The following PMS1 variants were observed in gnomAD, a reference collection of about 807,000 sequenced individuals.
PMS1 encodes the protein PMS1 protein homolog 1.
Under a neutral mutation model 93.1 loss-of-function variants are expected in PMS1, and 79 were observed. That is an observed-to-expected ratio of 0.85 (90% CI 0.71 to 1.02). The LOEUF is 1.02. Among genes scored for constraint, PMS1 ranks in the 50% least tolerant of loss-of-function variants. The pLI is 0.00. For synonymous variants in PMS1, 335 were observed against 363.4 expected (o/e 0.92, Z 0.89); for missense variants, 1,064 against 1,085.3 (o/e 0.98, Z 0.28).
chr2:189,868,274 A>T (rs978835171), intron 11 of PMS1, among the ~76,000 whole-genome samples: 7 of 152,202 alleles, frequency 4.6e-5, no homozygotes, highest in African/African-American at 1.7e-4. Flanking sequence ...GGATATTGGA[A>T]TTGCCTAACA....
rs5742932 is a variant in PMS1 at position 189,784,514 on chromosome 2, G to T, written c.-100G>T. On this transcript the variant is annotated 5_prime_UTR_variant, in exon 1 of 13. Transcript: ENST00000441310. ...GTGCTGGGTGCGGGTGCGGGTGCGG[G>T]GTTGGGCCTGCGCATCGGGTGAGAC... 0.036 allele frequency: 5,436 copies of T among 152,984 alleles called. 335 individuals are homozygous for T. The highest frequency in any genetic ancestry group is 0.12 in the African/African-American group (5,167 of 41,568). 9.5% of individuals were successfully genotyped at this position (152,984 alleles called of 1,614,324 possible).
At chr2:189,875,458 T>C (rs1559340550) in intron 12 of PMS1, among the ~76,000 whole-genome samples, 1 of 152,118 alleles carries the variant, frequency 6.6e-6, no homozygotes, top group African/African-American at 2.4e-5. Flanking sequence ...CGGAAAAACA[T>C]CCATGTATAA....
At position 189,867,827 on chromosome 2, in the gene PMS1, G is replaced by A. The variant is rs781501975; in HGVS notation, c.2371G>A (p.Val791Ile). The change falls in exon 11 of 13, where the codon GTT (valine) becomes ATT (isoleucine). Residue 791 changes from valine to isoleucine, a missense_variant. Physicochemically the swap from Val to Ile is conservative, Grantham distance 29. Transcript: ENST00000441310. ...TTTTAATGGATCTCATTATTTAGAC[G>A]TTTTATATAAAATGACAGCAGATGA... ...SLFNGSHYLD[V>I]LYKMTADDQR... The A allele has an allele frequency of 1.5e-5, 23 of 1,576,528 alleles. No homozygotes were observed. The highest frequency in any genetic ancestry group is 2.2e-5 in the South Asian group (2 of 90,324).
At chr2:189,804,810 T>C (rs572237418) in intron 3 of PMS1, among the ~76,000 whole-genome samples, 2 of 152,314 alleles carry the variant, frequency 1.3e-5, no homozygotes, top group South Asian at 4.1e-4. Context: ...CTCCCAATTT[T>C]GGGTCATCAT....
chr2:189,830,429 TTAAACTTTC>T (rs2052823447), intron 5 of PMS1, among the ~76,000 whole-genome samples: 2 of 152,306 alleles, frequency 1.3e-5, no homozygotes, highest in South Asian at 4.1e-4. Context: ...AGGTCTTCAC[TTAAACTTTC>T]TCCGTGAGGC....
chr2:189,785,162 A>C (rs1202185121), intron 1 of PMS1, among the ~76,000 whole-genome samples: 1 of 152,210 alleles, frequency 6.6e-6, no homozygotes, highest in Non-Finnish European at 1.5e-5. Flanking sequence ...TTTATTGCCG[A>C]AATAGCTTTC....
chr2:189,836,739 C>G (rs1328391308), intron 5 of PMS1, among the ~76,000 whole-genome samples: 1 of 152,178 alleles, frequency 6.6e-6, no homozygotes, highest in Non-Finnish European at 1.5e-5. Flanking sequence ...ATTAGCCCCT[C>G]GATCTGATGC....
intron 9 of PMS1, among the ~76,000 whole-genome samples, chr2:189,861,735 G>C (rs895008349): frequency 3.5e-5 from 5 of 142,108 alleles, no homozygotes; most frequent in African/African-American, 1.4e-4. Context: ...GGGAGACAGA[G>C]AGACTCTGTC....
At chr2:189,795,645 A>G (rs1207134991) in intron 2 of PMS1, 124 bp from the exon 3 acceptor site, 2 of 778,772 alleles carry the variant, frequency 2.6e-6, no homozygotes, top group Non-Finnish European at 4.4e-6. Context: ...AAACTCTTAT[A>G]TCCATAATGC....
At chr2:189,791,179 A>G (rs1252505496) in intron 1 of PMS1, among the ~76,000 whole-genome samples, 1 of 152,028 alleles carries the variant, frequency 6.6e-6, no homozygotes, top group African/African-American at 2.4e-5. Flanking sequence ...TTAGGTATCA[A>G]TAGAGGAATT....
At chr2:189,829,921 C>T (rs2052771802) in intron 5 of PMS1, among the ~76,000 whole-genome samples, 1 of 152,198 alleles carries the variant, frequency 6.6e-6, no homozygotes, top group South Asian at 2.1e-4. Flanking sequence ...CTAATGGACT[C>T]TCCCTGCTTA....
At position 189,864,046 on chromosome 2, in the gene PMS1, G is replaced by C. The variant is rs2066455; in HGVS notation, c.2160G>C (p.Glu720Asp). The change falls in exon 10 of 13, where the codon GAG becomes GAC. Residue 720 changes from glutamate to aspartate, a missense_variant. Glu to Asp is a conservative substitution (Grantham distance 45, BLOSUM62 2). Transcript: ENST00000441310. ...AACAAAACAAAGTTGACTTAGAAGA[G>C]AAGGATGAACCTTGCTTGATCCACA... ...FKKQNKVDLE[E>D]KDEPCLIHNL... is the part of the protein sequence containing the mutation. The C allele has an allele frequency of 6.2e-7, 1 of 1,612,406 alleles. No homozygotes were observed. The highest frequency in any genetic ancestry group is 8.5e-7 in the Non-Finnish European group (1 of 1,178,700).
intron 3 of PMS1, among the ~76,000 whole-genome samples, chr2:189,797,215 G>C (rs191718557): frequency 6.6e-6 from 1 of 152,290 alleles, no homozygotes; most frequent in East Asian, 1.9e-4. Context: ...ACGCTCTAGA[G>C]ATGTGAATTG....
chr2:189,870,155 CTTTG>C (rs1449317291), intron 11 of PMS1, among the ~76,000 whole-genome samples: 3 of 151,906 alleles, frequency 2.0e-5, no homozygotes, highest in Non-Finnish European at 4.4e-5. Context: ...TTCTTCATTT[CTTTG>C]TTTTTTTATT....
At chr2:189,865,188 CCAGTTTTTTAA>C (rs1011915552) in intron 10 of PMS1, among the ~76,000 whole-genome samples, 2 of 151,542 alleles carry the variant, frequency 1.3e-5, no homozygotes, top group African/African-American at 4.8e-5. Context: ...ACCTTTTTTT[CCAGTTTTTTAA>C]AAAATTTATA....
At chr2:189,862,611 G>C (rs957779437) in intron 9 of PMS1, among the ~76,000 whole-genome samples, 2 of 152,160 alleles carry the variant, frequency 1.3e-5, no homozygotes, top group African/African-American at 4.8e-5. Flanking sequence ...GAAAAGTGCT[G>C]ATTTTTGTTC....
chr2:189,850,828 T>C (rs1341943016), intron 6 of PMS1, among the ~76,000 whole-genome samples: 1 of 152,138 alleles, frequency 6.6e-6, no homozygotes, highest in African/African-American at 2.4e-5. Context: ...AAGGGCTGCG[T>C]AGTGTCCCTT....
intron 6 of PMS1, among the ~76,000 whole-genome samples, chr2:189,849,867 CTTTTTTT>C (rs751444288): frequency 4.2e-5 from 5 of 118,896 alleles, no homozygotes; most frequent in Non-Finnish European, 7.0e-5. Context: ...TATTTTTAAA[CTTTTTTT>C]TTTTTTTTTT....
chr2:189,814,180 G>C (rs2051073406), intron 4 of PMS1, among the ~76,000 whole-genome samples: 2 of 152,046 alleles, frequency 1.3e-5, no homozygotes, highest in Non-Finnish European at 2.9e-5. Context: ...TAGCACCAAA[G>C]TGTTACTAGT....
Sources: gnomAD v4.1 joint callset for allele counts (sites outside exome capture counted in the v4.1 genomes callset) on GRCh38, gnomAD v4.1.1 for gene constraint, MANE v1.5 for transcripts, NCBI Gene and HGNC (gene_info 2026-07-23, HGNC 2026-07-21) for gene names.